Variants in FNIP2 observed in about 807,000 individuals in gnomAD.
FNIP2 encodes the protein folliculin interacting protein 2.
FNIP2 carries 32 observed loss-of-function variants against 108.7 expected under a neutral mutation model. That is an observed-to-expected ratio of 0.29 (90% CI 0.22 to 0.40). The LOEUF (loss-of-function observed/expected upper bound fraction) is 0.40. FNIP2 is among the 10% of genes least tolerant of loss of function. The pLI is 1.00. For synonymous variants in FNIP2, 480 were observed against 496.7 expected (o/e 0.97, Z 0.45); for missense variants, 1,202 against 1,381.6 (o/e 0.87, Z 2.06).
At chr4:158,783,065 A>G (rs1776106359) in intron 1 of FNIP2, among the ~76,000 whole-genome samples, 2 of 152,202 alleles carry the variant, frequency 1.3e-5, no homozygotes, top group African/African-American at 4.8e-5. Context: ...CAGAGTATTG[A>G]GTTTTACAGC....
intron 6 of FNIP2, 158 bp from the exon 7 acceptor site, chr4:158,835,247 A>G (rs1778735034): frequency 2.5e-6 from 1 of 398,808 alleles, no homozygotes; most frequent in South Asian, 3.5e-5. Context: ...TCATCTTTTT[A>G]TATATTTAAT....
At position 158,861,357 on chromosome 4, in the gene FNIP2, C is replaced by CT; in HGVS notation, c.1166dup (p.Leu389PhefsTer9). ...TGTTCTATAGAGGAACTATCTGGAA[C>CT]TTATATTCTGTTCCAAGGATAGCTG... On this transcript the variant is annotated frameshift_variant, in exon 11 of 17. Transcript: ENST00000264433. LOFTEE classifies it high-confidence loss of function. 1 of 1,613,770 alleles carries CT rather than the reference C, an allele frequency of 6.2e-7. No individual in the cohort carries two copies. Among genetic ancestry groups the CT allele is most frequent in the Non-Finnish European group, 8.5e-7 (1 of 1,179,830 alleles).
At chr4:158,879,958 G>A (rs921223804) in intron 14 of FNIP2, among the ~76,000 whole-genome samples, 5 of 150,252 alleles carry the variant, frequency 3.3e-5, no homozygotes, top group African/African-American at 1.2e-4. Flanking sequence ...TGCTGGAGAG[G>A]ATGTGGAGAA....
In FNIP2 at chr4:158,906,697, A is replaced by G. The variant is rs981616280; in HGVS notation, c.*2153A>G. 2.6e-5 allele frequency: 4 copies of G among 152,124 alleles called. No individual in the cohort carries two copies. Among genetic ancestry groups the G allele is most frequent in the South Asian group, 2.1e-4 (1 of 4,832 alleles). The allele number at this position is 152,124 out of a possible 1,614,324, so 9.4% of individuals were successfully genotyped here. ...CAGTCAGAACCTAATCCTCATATCT[A>G]TTGCCTACAAAAATAGACCAAGAAT... On this transcript the variant is annotated 3_prime_UTR_variant, in exon 17 of 17. Coordinates refer to ENST00000264433, the MANE Select transcript of FNIP2 (RefSeq NM_020840.3).
chr4:158,781,705 C>T (rs965719378), intron 1 of FNIP2, among the ~76,000 whole-genome samples: 42 of 151,878 alleles, frequency 2.8e-4, no homozygotes, highest in African/African-American at 9.7e-4. Context: ...TTGGTAGAGA[C>T]GGGGTTTCAG....
intron 1 of FNIP2, among the ~76,000 whole-genome samples, chr4:158,783,908 T>G (rs1377167091): frequency 1.3e-5 from 2 of 152,166 alleles, no homozygotes; most frequent in Non-Finnish European, 2.9e-5. Flanking sequence ...CTAACCGGTA[T>G]GGATGGAGGA....
At chr4:158,870,898 C>T (rs1780908134) in intron 14 of FNIP2, among the ~76,000 whole-genome samples, 1 of 152,204 alleles carries the variant, frequency 6.6e-6, no homozygotes, top group Non-Finnish European at 1.5e-5. Flanking sequence ...AGGTCAGCCT[C>T]CTGGGGCCCA....
At position 158,868,266 on chromosome 4, in the gene FNIP2, G is replaced by T. The variant is rs1780702641; in HGVS notation, c.1630G>T (p.Gly544Cys). 2.5e-6 allele frequency: 4 copies of T among 1,613,962 alleles called. No homozygotes were observed. The African/African-American group carries it at 5.3e-5, about 22-fold the overall frequency. Residue 544 changes from glycine to cysteine, a missense_variant, in exon 13 of 17, where the codon GGT becomes TGT. Coordinates refer to ENST00000264433, the MANE Select transcript of FNIP2 (RefSeq NM_020840.3). This position sits in a 1 kb window ranked among gnomAD's most constrained non-coding sequence, Gnocchi z 4.6. ...GACCTGGAGTGGCAATCATGGTGAA[G>T]GTGACCAAGTTTTAAATGGGAGCAA... ...QLTWSGNHGE[G>C]DQVLNGSKII...
rs374433594 is a variant in FNIP2, at chr4:158,833,657, T to C, written c.655+29T>C. On this transcript the variant is annotated intron_variant, in intron 6 of 16. Coordinates refer to ENST00000264433, the MANE Select transcript of FNIP2 (RefSeq NM_020840.3). The stretch of plus-strand genomic sequence containing the variant: ...AAATCAGAGATACAAACAAATTCTT[T>C]CTTTCTGAATACACTATTGTGGGTG... 108 of 1,565,060 alleles carry C rather than the reference T, an allele frequency of 6.9e-5. No homozygotes were observed. In the African/African-American group the frequency reaches 1.3e-3, roughly 19 times the overall value.
intron 9 of FNIP2, 30 bp from the exon 10 acceptor site, chr4:158,859,548 G>A (rs757438534): frequency 1.3e-6 from 2 of 1,576,020 alleles, no homozygotes; most frequent in South Asian, 2.3e-5. Flanking sequence ...TTTCTTCTCA[G>A]TAATTTGACT....
At chr4:158,855,093 C>T (rs1043250849) in intron 8 of FNIP2, among the ~76,000 whole-genome samples, 1 of 152,058 alleles carries the variant, frequency 6.6e-6, no homozygotes, top group African/African-American at 2.4e-5. Context: ...AGAATAAGGT[C>T]AGAAAAGCAA....
At chr4:158,847,717 T>G (rs1292399575) in intron 7 of FNIP2, among the ~76,000 whole-genome samples, 1 of 152,124 alleles carries the variant, frequency 6.6e-6, no homozygotes, top group African/African-American at 2.4e-5. Context: ...GTTCCAGACA[T>G]TGGCTCTTGG....
chr4:158,897,555 C>A (rs1782803738), intron 16 of FNIP2, among the ~76,000 whole-genome samples: 1 of 152,180 alleles, frequency 6.6e-6, no homozygotes, highest in Non-Finnish European at 1.5e-5. Flanking sequence ...GAGATGGTAT[C>A]TCATTGTGGT....
chr4:158,805,779 C>T (rs1776926273), intron 1 of FNIP2, among the ~76,000 whole-genome samples: 1 of 152,222 alleles, frequency 6.6e-6, no homozygotes, highest in African/African-American at 2.4e-5. Flanking sequence ...TTGCCCAGAG[C>T]CATATGAACA....
chr4:158,895,892 GTCCCTTTGATAGGTA>G, intron 16 of FNIP2, 27 bp downstream of exon 16: 1 of 1,515,362 alleles, frequency 6.6e-7, no homozygotes, highest in Middle Eastern at 1.7e-4. Context: ...GCCGTCACTT[GTCCCTTTGATAGGTA>G]TCCCTAGCAT....
chr4:158,791,092 G>C (rs1776397735), intron 1 of FNIP2, among the ~76,000 whole-genome samples: 1 of 150,004 alleles, frequency 6.7e-6, no homozygotes, highest in Non-Finnish European at 1.5e-5. Context: ...TAACAAGGGA[G>C]GTGGAGGAGG....
At chr4:158,863,541 G>A (rs986684217) in intron 12 of FNIP2, among the ~76,000 whole-genome samples, 1 of 152,182 alleles carries the variant, frequency 6.6e-6, no homozygotes, top group African/African-American at 2.4e-5. Flanking sequence ...TGCTGCTCAG[G>A]AGCTCGGTGA....
At position 158,803,965 on chromosome 4, in the gene FNIP2, G is replaced by A. The variant is rs563128095; in HGVS notation, c.108-21951G>A. The stretch of plus-strand genomic sequence containing the variant: ...TTGTTTTGTTTTGTTTTTAGGTGGA[G>A]TCTCGCTGTGTTGCTCAGGCTGGAG... On this transcript the variant is annotated intron_variant, in intron 1 of 16. Transcript: ENST00000264433. Among the ~76,000 whole-genome samples, 8 of 152,270 alleles carry A rather than the reference G, an allele frequency of 5.3e-5. No individual in the cohort carries two copies. The South Asian group carries it at 1.7e-3, about 32-fold the overall frequency.
At chr4:158,795,309 T>C (rs941238686) in intron 1 of FNIP2, among the ~76,000 whole-genome samples, 2 of 152,182 alleles carry the variant, frequency 1.3e-5, no homozygotes, top group African/African-American at 4.8e-5. Flanking sequence ...TAAAAGCAGC[T>C]AGTTTAGGAA....
Sources: allele counts gnomAD v4.1 joint callset (sites outside exome capture counted in the v4.1 genomes callset), GRCh38; gene constraint gnomAD v4.1.1; non-coding constraint Gnocchi (gnomAD v3.1); transcripts MANE v1.5; gene names NCBI Gene and HGNC (gene_info 2026-07-23, HGNC 2026-07-21).